SCHIP1: variants seen among roughly 807,000 people sequenced by gnomAD.
SCHIP1 encodes the protein schwannomin interacting protein 1.
In SCHIP1, 8 loss-of-function variants were observed where a neutral mutation model predicts 29.7. The ratio of observed to expected loss-of-function variants is 0.27; its 90% CI spans 0.16 to 0.49. SCHIP1 has a LOEUF of 0.49. SCHIP1 is among the 20% of genes least tolerant of loss of function. The pLI, the probability that SCHIP1 is intolerant of heterozygous loss-of-function variation, is 0.99. For missense variants in SCHIP1, 193 were observed against 294.6 expected (o/e 0.66, Z 2.52); for synonymous variants, 76 against 94.9 (o/e 0.80, Z 1.16).
chr3:159,761,132 T>C, the SCHIP1 span, among the ~76,000 whole-genome samples: 2 of 152,128 alleles, frequency 1.3e-5, no homozygotes, highest in Non-Finnish European at 1.5e-5. Context: ...CCTGGGTGGG[T>C]AGGGGAGTAG....
At chr3:159,632,227 A>C in the SCHIP1 span, among the ~76,000 whole-genome samples, 1 of 152,124 alleles carries the variant, frequency 6.6e-6, no homozygotes, top group Non-Finnish European at 1.5e-5. Flanking sequence ...AATCCGGATT[A>C]TTGTGAGCCT....
At chr3:159,708,284 T>G in the SCHIP1 span, among the ~76,000 whole-genome samples, 1 of 152,198 alleles carries the variant, frequency 6.6e-6, no homozygotes, top group Admixed American at 6.5e-5. Flanking sequence ...ACATTCAAGA[T>G]GAGTCTCCAG....
At chr3:159,429,519 G>T in the SCHIP1 span, among the ~76,000 whole-genome samples, 1 of 152,094 alleles carries the variant, frequency 6.6e-6, no homozygotes, top group Non-Finnish European at 1.5e-5. Context: ...AGGCACCAAG[G>T]AGAGCAGGGA....
At chr3:159,887,363 T>C (rs1184827827) in intron 3 of SCHIP1, 1 of 249,096 alleles carries the variant, frequency 4.0e-6, no homozygotes, top group Non-Finnish European at 7.9e-6. Flanking sequence ...TGAGATCCTG[T>C]CCACGCAAAG....
At chr3:159,837,844 A>G (rs1003102470), upstream of SCHIP1, among the ~76,000 whole-genome samples, 4 of 152,086 alleles carry the variant, frequency 2.6e-5, no homozygotes, top group Admixed American at 6.6e-5. Context: ...ATTGTTTCTT[A>G]TCCCTGAAAA....
At chr3:159,638,713 T>C in the SCHIP1 span, among the ~76,000 whole-genome samples, 1 of 151,934 alleles carries the variant, frequency 6.6e-6, no homozygotes, top group African/African-American at 2.4e-5. Context: ...CTCTCCTGAG[T>C]GGGTCTAAAG....
the SCHIP1 span, among the ~76,000 whole-genome samples, chr3:159,797,387 T>C: frequency 6.6e-6 from 1 of 152,238 alleles, no homozygotes; most frequent in South Asian, 2.1e-4. Flanking sequence ...TTAAAATGAA[T>C]TAAGCATGAT....
At chr3:159,496,910 G>A in the SCHIP1 span, among the ~76,000 whole-genome samples, 10 of 152,308 alleles carry the variant, frequency 6.6e-5, no homozygotes, top group South Asian at 1.9e-3. Flanking sequence ...ATACTGCATG[G>A]AATACTATGC....
chr3:159,753,376 C>T, the SCHIP1 span, among the ~76,000 whole-genome samples: 1 of 151,918 alleles, frequency 6.6e-6, no homozygotes, highest in African/African-American at 2.4e-5. Flanking sequence ...TTTTTTTCTC[C>T]CCTACCAAAA....
At chr3:159,601,652 T>G in the SCHIP1 span, among the ~76,000 whole-genome samples, 1 of 152,220 alleles carries the variant, frequency 6.6e-6, no homozygotes, top group African/African-American at 2.4e-5. Context: ...CTGCTGAGGA[T>G]GGAGTCATTT....
chr3:159,606,321 A>T, the SCHIP1 span, among the ~76,000 whole-genome samples: 2 of 150,998 alleles, frequency 1.3e-5, no homozygotes, highest in Non-Finnish European at 2.9e-5. Flanking sequence ...GATGTATAAT[A>T]AAAAAAAATA....
chr3:159,849,925 C>G (rs1272970046), intron 1 of SCHIP1, among the ~76,000 whole-genome samples: 1 of 152,166 alleles, frequency 6.6e-6, no homozygotes. Flanking sequence ...TCATTGTGCG[C>G]TTATCGTGTG....
the SCHIP1 span, among the ~76,000 whole-genome samples, chr3:159,578,284 A>G: frequency 2.6e-5 from 4 of 152,224 alleles, no homozygotes; most frequent in East Asian, 7.7e-4. Context: ...GCGAGGCACT[A>G]TAACTGTGAA....
chr3:159,463,854 G>A, the SCHIP1 span, among the ~76,000 whole-genome samples: 2 of 152,000 alleles, frequency 1.3e-5, no homozygotes, highest in Non-Finnish European at 2.9e-5. Flanking sequence ...CATTTAAAAT[G>A]TACATCCTAT....
chr3:159,636,204 T>A, the SCHIP1 span, among the ~76,000 whole-genome samples: 2 of 152,150 alleles, frequency 1.3e-5, no homozygotes, highest in Non-Finnish European at 2.9e-5. Flanking sequence ...TGTGCCACCA[T>A]GCCCGGCTAA....
chr3:159,812,528 C>T, the SCHIP1 span, among the ~76,000 whole-genome samples: 291 of 152,266 alleles, frequency 1.9e-3, 1 homozygote, highest in African/African-American at 6.6e-3. Context: ...TATTACATGG[C>T]GTGCATATCC....
the SCHIP1 span, chr3:159,273,478 A>G: frequency 9.2e-7 from 1 of 1,084,686 alleles, no homozygotes; most frequent in Non-Finnish European, 1.1e-6. Context: ...ATTAAGATCA[A>G]GAACTTTTCT....
At chr3:159,886,471 A>G in intron 3 of SCHIP1, 147 bp downstream of exon 4, 3 of 647,810 alleles carry the variant, frequency 4.6e-6, no homozygotes, top group South Asian at 2.2e-5. Context: ...AAAATTTGAC[A>G]ATGATTAAAA....
the SCHIP1 span, among the ~76,000 whole-genome samples, chr3:159,355,711 C>A: frequency 6.6e-6 from 1 of 152,024 alleles, no homozygotes; most frequent in African/African-American, 2.4e-5. Context: ...AAACCCCCTC[C>A]CTGTGGTTAC....
Sources: allele counts gnomAD v4.1 joint callset (sites outside exome capture counted in the v4.1 genomes callset), GRCh38; gene constraint gnomAD v4.1.1; transcripts MANE v1.5; gene names NCBI Gene and HGNC (gene_info 2026-07-23, HGNC 2026-07-21).